Variants in SOHLH2 observed in about 807,000 individuals in gnomAD.
SOHLH2 encodes the protein spermatogenesis- and oogenesis-specific basic helix-loop-helix-containing protein 2.
In SOHLH2, 22 loss-of-function variants were observed where a neutral mutation model predicts 50.4. That is an observed-to-expected ratio of 0.44 (90% confidence interval 0.31 to 0.62). The LOEUF (loss-of-function observed/expected upper bound fraction) is 0.62. Among genes scored for constraint, SOHLH2 ranks in the 20% least tolerant of loss-of-function variants. The pLI, the probability that SOHLH2 is intolerant of heterozygous loss-of-function variation, is 0.08. For synonymous variants in SOHLH2, 185 were observed against 187.3 expected (o/e 0.99, Z 0.10); for missense variants, 412 against 504.4 (o/e 0.82, Z 1.76).
At chr13:36,209,043 A>G (rs1868947637) in intron 1 of SOHLH2, among the ~76,000 whole-genome samples, 1 of 151,808 alleles carries the variant, frequency 6.6e-6, no homozygotes, top group Non-Finnish European at 1.5e-5. Context: ...TTCTTCTCTT[A>G]TTTCTTTATT....
intron 6 of SOHLH2, among the ~76,000 whole-genome samples, chr13:36,188,979 A>G (rs556827583): frequency 4.7e-4 from 71 of 152,212 alleles, no homozygotes; most frequent in Non-Finnish European, 9.1e-4. Flanking sequence ...AAGCTCAACA[A>G]GAGTAAAAAT....
chr13:36,190,345 T>C (rs1887538412), intron 5 of SOHLH2, among the ~76,000 whole-genome samples: 1 of 152,148 alleles, frequency 6.6e-6, no homozygotes, highest in Non-Finnish European at 1.5e-5. Flanking sequence ...TCTGACCTTA[T>C]CAATTATGAC....
In SOHLH2 at chr13:36,193,885, A is replaced by C. The variant is rs1887647476; in HGVS notation, c.264-18T>G. The C allele has an allele frequency of 3.8e-6, 6 of 1,589,306 alleles. No homozygotes were observed. Among genetic ancestry groups the C allele is most frequent in the African/African-American group, 1.4e-5 (1 of 73,502 alleles). The stretch of plus-strand genomic sequence containing the variant: ...TGCCAAATCTGAGAGAGGAAAGAAA[A>C]TGTTAAAATGAAGCAAAATCATTAT... On this transcript the variant is annotated intron_variant, in intron 2 of 10. Coordinates refer to ENST00000379881, the MANE Select transcript of SOHLH2 (RefSeq NM_017826.3).
chr13:36,175,358 T>G (rs1887071334), intron 6 of SOHLH2, among the ~76,000 whole-genome samples: 1 of 152,202 alleles, frequency 6.6e-6, no homozygotes. Flanking sequence ...CAACAACAGA[T>G]CAGCTAGCAT....
At chr13:36,193,487 G>GT (rs1887633896) in intron 4 of SOHLH2, 134 bp downstream of exon 4, 2 of 1,077,766 alleles carry the variant, frequency 1.9e-6, no homozygotes, top group Non-Finnish European at 2.6e-6. Context: ...TGAAGATGTA[G>GT]TTTTTTTCTT....
intron 1 of SOHLH2, 53 bp downstream of exon 1, chr13:36,214,426 G>A: frequency 6.3e-7 from 1 of 1,588,284 alleles, no homozygotes; most frequent in South Asian, 1.1e-5. Context: ...ACCGACCTAG[G>A]GCCCGCCCGC....
intron 6 of SOHLH2, among the ~76,000 whole-genome samples, chr13:36,178,306 T>C (rs1352627658): frequency 2.0e-5 from 3 of 152,046 alleles, no homozygotes; most frequent in East Asian, 1.9e-4. Context: ...TTTTATATGG[T>C]GTGAAGTAAG....
chr13:36,205,881 G>A (rs1486858468), intron 1 of SOHLH2, among the ~76,000 whole-genome samples: 1 of 151,772 alleles, frequency 6.6e-6, no homozygotes, highest in Non-Finnish European at 1.5e-5. Flanking sequence ...GTTCCTTATT[G>A]ATTAATGGTA....
At chr13:36,208,616 T>C (rs1478250442) in intron 1 of SOHLH2, among the ~76,000 whole-genome samples, 1 of 152,214 alleles carries the variant, frequency 6.6e-6, no homozygotes, top group African/African-American at 2.4e-5. Flanking sequence ...TTCCAATCAT[T>C]ATTAAATATT....
chr13:36,179,118 A>T (rs1887178100), intron 6 of SOHLH2, among the ~76,000 whole-genome samples: 1 of 152,096 alleles, frequency 6.6e-6, no homozygotes, highest in Non-Finnish European at 1.5e-5. Context: ...GCCTAATTGC[A>T]ATGGCTAGGA....
chr13:36,195,751 G>A (rs921636080), intron 2 of SOHLH2, among the ~76,000 whole-genome samples: 2 of 152,146 alleles, frequency 1.3e-5, no homozygotes, highest in African/African-American at 4.8e-5. Flanking sequence ...AATTACTTCA[G>A]ACTAGCAGGA....
chr13:36,203,964 T>G (rs1593959171), intron 1 of SOHLH2, among the ~76,000 whole-genome samples: 1 of 147,886 alleles, frequency 6.8e-6, no homozygotes, highest in Admixed American at 6.7e-5. Context: ...GTTTTTTTTT[T>G]TTTTTTTGAG....
chr13:36,169,403 G>A (rs1593930920), intron 10 of SOHLH2, among the ~76,000 whole-genome samples: 2 of 152,010 alleles, frequency 1.3e-5, no homozygotes, highest in South Asian at 2.1e-4. Flanking sequence ...ACATTTCTTC[G>A]CAATTCTCTT....
rs115598203 is a variant in SOHLH2 at position 36,184,288 on chromosome 13, G to A, written c.641+5658C>T. ...AAAAGAAAAAAATCACAAGGGATAT[G>A]AGAAAATATTTTGAACTGAATGATA... On this transcript the variant is annotated intron_variant, in intron 6 of 10. Transcript: ENST00000379881. 8.4e-3 allele frequency among the ~76,000 whole-genome samples: 1,281 copies of A among 152,222 alleles called. 23 individuals are homozygous for A. Among genetic ancestry groups the A allele is most frequent in the African/African-American group, 0.03 (1,230 of 41,536 alleles).
At chr13:36,196,032 G>A (rs988994660) in intron 2 of SOHLH2, among the ~76,000 whole-genome samples, 1 of 151,922 alleles carries the variant, frequency 6.6e-6, no homozygotes, top group Non-Finnish European at 1.5e-5. Context: ...TCAGAATGAT[G>A]CCTGCCAGGA....
chr13:36,206,034 G>C (rs552618292), intron 1 of SOHLH2, among the ~76,000 whole-genome samples: 3 of 151,728 alleles, frequency 2.0e-5, no homozygotes, highest in Non-Finnish European at 4.4e-5. Flanking sequence ...AGTTCATTTT[G>C]CTTCTTAACT....
At chr13:36,179,992 T>A (rs1887203861) in intron 6 of SOHLH2, among the ~76,000 whole-genome samples, 1 of 152,216 alleles carries the variant, frequency 6.6e-6, no homozygotes, top group Admixed American at 6.5e-5. Context: ...CTTCTTTAAA[T>A]GCTTGCTGAA....
At chr13:36,201,740 GATTA>G in intron 2 of SOHLH2, 135 bp downstream of exon 2, 1 of 1,302,456 alleles carries the variant, frequency 7.7e-7, no homozygotes. Context: ...AAAGTGCCAG[GATTA>G]CACGCATGAG....
chr13:36,178,685 T>C (rs1372455801), intron 6 of SOHLH2, among the ~76,000 whole-genome samples: 1 of 152,158 alleles, frequency 6.6e-6, no homozygotes, highest in Admixed American at 6.5e-5. Context: ...CAAATAAAGT[T>C]ATGTTTCAAT....
Sources: gnomAD v4.1 joint callset for allele counts (sites outside exome capture counted in the v4.1 genomes callset) on GRCh38, gnomAD v4.1.1 for gene constraint, MANE v1.5 for transcripts, NCBI Gene and HGNC (gene_info 2026-07-23, HGNC 2026-07-21) for gene names.